The following RANBP2 variants were observed in gnomAD, a reference collection of about 807,000 sequenced individuals.
RANBP2 encodes RAN binding protein 2, also known as E3 SUMO-protein ligase RanBP2.
RANBP2 carries 57 observed loss-of-function variants against 303.6 expected under a neutral mutation model. That is an observed-to-expected ratio of 0.19 (90% CI 0.15 to 0.23). The LOEUF is 0.23. Ranked by LOEUF, RANBP2 falls within the 10% of genes least tolerant of loss-of-function variation. RANBP2 has a pLI of 1.00. For missense variants in RANBP2, 3,138 were observed against 3,780.8 expected, an observed-to-expected ratio of 0.83 and a Z score of 4.46; for synonymous variants, 1,167 against 1,301.5, an observed-to-expected ratio of 0.90 and a Z score of 2.23.
chr2:109,269,264 A>G, the RANBP2 span, among the ~76,000 whole-genome samples: 46 of 152,316 alleles, frequency 3.0e-4, no homozygotes, highest in African/African-American at 1.1e-3. Flanking sequence ...GTATTTTGAA[A>G]TGACATAAAG....
chr2:108,890,652 G>A, the RANBP2 span, among the ~76,000 whole-genome samples: 28 of 152,250 alleles, frequency 1.8e-4, no homozygotes, highest in East Asian at 2.3e-3. Flanking sequence ...TGGCGAAAAC[G>A]CTTGCAGAAT....
chr2:109,130,045 G>A, the RANBP2 span: 10 of 1,358,404 alleles, frequency 7.4e-6, no homozygotes, highest in Non-Finnish European at 7.6e-6. Flanking sequence ...TTTCCTCTCC[G>A]CGGCCGCGGG....
the RANBP2 span, among the ~76,000 whole-genome samples, chr2:109,567,463 C>G: frequency 1.1e-4 from 16 of 152,046 alleles, no homozygotes; most frequent in African/African-American, 3.6e-4. Flanking sequence ...TTACAGCATG[C>G]AAAGGGAGGC....
At chr2:109,729,928 C>T in the RANBP2 span, among the ~76,000 whole-genome samples, 8 of 152,124 alleles carry the variant, frequency 5.3e-5, no homozygotes, top group African/African-American at 1.2e-4. Flanking sequence ...CTTTACAAGG[C>T]GGCAGGAGAG....
At chr2:109,480,461 T>C in the RANBP2 span, among the ~76,000 whole-genome samples, 5 of 151,208 alleles carry the variant, frequency 3.3e-5, no homozygotes, top group Admixed American at 2.6e-4. Context: ...AGGAGAGGAG[T>C]CCAGATGCCA....
At chr2:109,331,836 G>T in the RANBP2 span, among the ~76,000 whole-genome samples, 1 of 152,106 alleles carries the variant, frequency 6.6e-6, no homozygotes, top group Admixed American at 6.5e-5. Flanking sequence ...TTTGCCAGGG[G>T]CACCCTGTCA....
the RANBP2 span, among the ~76,000 whole-genome samples, chr2:109,471,722 C>T: frequency 6.6e-6 from 1 of 152,214 alleles, no homozygotes; most frequent in Non-Finnish European, 1.5e-5. Context: ...CCCTTGCTGT[C>T]TCAGCCTCAC....
the RANBP2 span, among the ~76,000 whole-genome samples, chr2:109,182,411 A>G: frequency 7.1e-3 from 1,082 of 152,318 alleles, 15 homozygotes; most frequent in African/African-American, 0.025. Flanking sequence ...TAAAGGTCCA[A>G]ACCCTCTGCA....
the RANBP2 span, among the ~76,000 whole-genome samples, chr2:109,156,501 A>G: frequency 2.0e-5 from 3 of 151,436 alleles, no homozygotes; most frequent in African/African-American, 7.3e-5. Flanking sequence ...GCTGGAGTGC[A>G]GTGGTGCAAT....
chr2:108,909,445 A>ATCATAGGAAGATCATGGAC, the RANBP2 span, among the ~76,000 whole-genome samples: 5 of 152,146 alleles, frequency 3.3e-5, no homozygotes, highest in Admixed American at 6.5e-5. Flanking sequence ...TGCAAGGTGA[A>ATCATAGGAAGATCATGGAC]TCATAGGAAG....
At chr2:108,761,961 A>G (rs1433247761) in intron 18 of RANBP2, 140 bp from the exon 19 acceptor site, 1 of 672,242 alleles carries the variant, frequency 1.5e-6, no homozygotes, top group East Asian at 2.7e-5. Flanking sequence ...GTGTATTTTG[A>G]TGTACAGAAA....
chr2:109,174,008 G>A, the RANBP2 span, among the ~76,000 whole-genome samples: 1 of 152,226 alleles, frequency 6.6e-6, no homozygotes. Context: ...AAAGCACTGG[G>A]CTCAGTCCTT....
At chr2:108,719,902 T>C (rs1694083345) in intron 1 of RANBP2, among the ~76,000 whole-genome samples, 1 of 151,402 alleles carries the variant, frequency 6.6e-6, no homozygotes, top group South Asian at 2.1e-4. Flanking sequence ...TTCCTCTTTC[T>C]CCCGGCTTGT....
the RANBP2 span, among the ~76,000 whole-genome samples, chr2:109,404,790 C>T: frequency 2.6e-5 from 4 of 152,166 alleles, no homozygotes; most frequent in Non-Finnish European, 4.4e-5. Context: ...TTGCCCACCA[C>T]CCCTGCTGCT....
chr2:108,787,010 C>A, downstream of RANBP2: 1 of 784,272 alleles, frequency 1.3e-6, no homozygotes, highest in Non-Finnish European at 1.8e-6. Context: ...CGCGCAGCGG[C>A]TCTGGTCCCG....
chr2:109,194,806 A>G, the RANBP2 span, among the ~76,000 whole-genome samples: 1 of 152,256 alleles, frequency 6.6e-6, no homozygotes, highest in South Asian at 2.1e-4. Flanking sequence ...CAAAATTCAC[A>G]GGACGAAAAG....
the RANBP2 span, among the ~76,000 whole-genome samples, chr2:108,892,010 G>A: frequency 6.6e-6 from 1 of 152,172 alleles, no homozygotes; most frequent in Non-Finnish European, 1.5e-5. Context: ...AAGCTGGGCT[G>A]TGCAGGTTTG....
At chr2:109,646,250 G>A in the RANBP2 span, among the ~76,000 whole-genome samples, 1 of 152,192 alleles carries the variant, frequency 6.6e-6, no homozygotes, top group Non-Finnish European at 1.5e-5. Context: ...AGGGTCAGGT[G>A]TGTGAGACGC....
chr2:109,710,348 C>T, the RANBP2 span, among the ~76,000 whole-genome samples: 1 of 149,798 alleles, frequency 6.7e-6, no homozygotes, highest in South Asian at 2.1e-4. Flanking sequence ...CGCCATTGCA[C>T]TCCAGCCTAG....
Sources: gnomAD v4.1 joint callset for allele counts (sites outside exome capture counted in the v4.1 genomes callset) on GRCh38, gnomAD v4.1.1 for gene constraint, MANE v1.5 for transcripts, NCBI Gene and HGNC (gene_info 2026-07-23, HGNC 2026-07-21) for gene names.